The following FRAS1 variants were observed in gnomAD, a reference collection of about 807,000 sequenced individuals.
FRAS1 encodes Fraser extracellular matrix complex subunit 1, also known as extracellular matrix organizing protein FRAS1.
FRAS1 carries 290 observed loss-of-function variants against 435.2 expected under a neutral mutation model. The ratio of observed to expected loss-of-function variants is 0.67; its 90% CI spans 0.61 to 0.73. FRAS1 has a LOEUF of 0.73. FRAS1 is among the 30% of genes least tolerant of loss of function. The pLI is 0.00. For missense variants in FRAS1, 4,860 were observed against 5,001.5 expected, an observed-to-expected ratio of 0.97 and a Z score of 0.85; for synonymous variants, 1,800 against 1,851.0, an observed-to-expected ratio of 0.97 and a Z score of 0.71.
rs552600924 is a variant in FRAS1, at chr4:78,419,075, A to G, written c.4540+12A>G. 3.5e-6 allele frequency: 5 copies of G among 1,418,662 alleles called. No individual in the cohort carries two copies. In the East Asian group the frequency reaches 1.2e-4, roughly 34 times the overall value. The allele number at this position is 1,418,662 out of a possible 1,614,324, so 87.9% of individuals were successfully genotyped here. A position where few individuals can be genotyped will look rare whatever the true frequency, so the allele number is the denominator to read the frequency against. On this transcript the variant is annotated intron_variant, in intron 33 of 73. Transcript: ENST00000512123. ...GCATCCAAATCAAGGTAAGATGTGC[A>G]GTAAATGATCTTTTGAGTGATATTA...
At chr4:78,455,118 AGGG>A (rs1376721123) in intron 47 of FRAS1, among the ~76,000 whole-genome samples, 1 of 152,096 alleles carries the variant, frequency 6.6e-6, no homozygotes, top group Non-Finnish European at 1.5e-5. Flanking sequence ...CTTTGCTCTG[AGGG>A]GCCCCTCCCC....
chr4:78,530,968 G>A (rs199583615), intron 70 of FRAS1, among the ~76,000 whole-genome samples: 2 of 141,384 alleles, frequency 1.4e-5, no homozygotes, highest in Non-Finnish European at 3.1e-5. Flanking sequence ...CTTCCTATCC[G>A]TGAGCATGGA....
chr4:78,333,961 G>A (rs1453489176), intron 19 of FRAS1, among the ~76,000 whole-genome samples: 1 of 151,930 alleles, frequency 6.6e-6, no homozygotes, highest in African/African-American at 2.4e-5. Flanking sequence ...GTGCCACCAT[G>A]CTTGGCTAAT....
intron 2 of FRAS1, among the ~76,000 whole-genome samples, chr4:78,189,265 TA>T (rs1366956088): frequency 6.6e-6 from 1 of 152,202 alleles, no homozygotes; most frequent in Non-Finnish European, 1.5e-5. Context: ...AACTGGAGGA[TA>T]AAAGAAATAC....
intron 16 of FRAS1, among the ~76,000 whole-genome samples, chr4:78,316,855 G>A (rs946194938): frequency 3.9e-5 from 6 of 152,084 alleles, no homozygotes; most frequent in African/African-American, 1.4e-4. Context: ...CTTGACTGAG[G>A]GCATTGAAGA....
At chr4:78,317,282 G>C in intron 16 of FRAS1, 86 bp from the exon 17 acceptor site, 1 of 1,490,484 alleles carries the variant, frequency 6.7e-7, no homozygotes, top group South Asian at 1.1e-5. Context: ...GGGACTAAGA[G>C]TCCCAGGCCC....
intron 22 of FRAS1, among the ~76,000 whole-genome samples, chr4:78,369,480 A>G (rs1383761805): frequency 1.3e-5 from 2 of 152,210 alleles, no homozygotes; most frequent in African/African-American, 4.8e-5. Flanking sequence ...CTGAATCTAC[A>G]TTATGAACTT....
intron 60 of FRAS1, 69 bp from the exon 61 acceptor site, chr4:78,499,652 T>G (rs1317763417): frequency 7.1e-7 from 1 of 1,411,402 alleles, no homozygotes; most frequent in African/African-American, 1.4e-5. Flanking sequence ...TTATAAGGTG[T>G]TTTCCTGGGA....
At chr4:78,489,824 C>T (rs1285851960) in intron 59 of FRAS1, among the ~76,000 whole-genome samples, 1 of 152,096 alleles carries the variant, frequency 6.6e-6, no homozygotes, top group Non-Finnish European at 1.5e-5. Context: ...ACCTGCACCC[C>T]TGTCCCAGGG....
chr4:78,125,958 C>T (rs1719327277), intron 2 of FRAS1, among the ~76,000 whole-genome samples: 1 of 152,182 alleles, frequency 6.6e-6, no homozygotes, highest in Admixed American at 6.5e-5. Flanking sequence ...TGTCTGCTGC[C>T]TTTTGTTCAG....
chr4:78,315,758 A>G (rs1729219717), intron 16 of FRAS1, 24 bp downstream of exon 16: 2 of 1,613,108 alleles, frequency 1.2e-6, no homozygotes, highest in Non-Finnish European at 1.7e-6. Flanking sequence ...CACCATCATC[A>G]TCATCAAAAA....
intron 35 of FRAS1, among the ~76,000 whole-genome samples, chr4:78,427,320 A>T: frequency 6.6e-6 from 1 of 152,006 alleles, no homozygotes; most frequent in East Asian, 1.9e-4. Flanking sequence ...CACCAAATGT[A>T]CCCCCTCAAC....
chr4:78,497,044 A>T, intron 60 of FRAS1, 83 bp downstream of exon 60: 1 of 1,157,696 alleles, frequency 8.6e-7, no homozygotes, highest in South Asian at 1.5e-5. Flanking sequence ...GTTTTGAAAA[A>T]TAAAAGTGCT....
At chr4:78,406,767 G>A (rs560894935) in intron 30 of FRAS1, among the ~76,000 whole-genome samples, 1 of 152,206 alleles carries the variant, frequency 6.6e-6, no homozygotes, top group African/African-American at 2.4e-5. Context: ...CACTCAGCTG[G>A]AAACAATGGA....
At chr4:78,314,175 C>G (rs1729144971) in intron 15 of FRAS1, among the ~76,000 whole-genome samples, 1 of 152,044 alleles carries the variant, frequency 6.6e-6, no homozygotes, top group Admixed American at 6.6e-5. Flanking sequence ...CATACTTTTC[C>G]TGAATCACTC....
intron 41 of FRAS1, 66 bp from the exon 42 acceptor site, chr4:78,445,456 C>G: frequency 7.0e-7 from 1 of 1,432,950 alleles, no homozygotes; most frequent in Non-Finnish European, 9.2e-7. Context: ...ACCTTGTTTT[C>G]TAGTTCAGCC....
chr4:78,445,255 G>GT (rs1718764852), intron 41 of FRAS1, among the ~76,000 whole-genome samples: 1 of 152,062 alleles, frequency 6.6e-6, no homozygotes, highest in African/African-American at 2.4e-5. Context: ...ATAAATTATT[G>GT]TAAGTTTTTT....
chr4:78,120,745 G>T (rs1430677921), intron 2 of FRAS1, among the ~76,000 whole-genome samples: 1 of 152,164 alleles, frequency 6.6e-6, no homozygotes, highest in Non-Finnish European at 1.5e-5. Context: ...TTCACTGCCC[G>T]TGAATCATAG....
At chr4:78,218,771 A>C (rs1457040313) in intron 2 of FRAS1, among the ~76,000 whole-genome samples, 1 of 152,222 alleles carries the variant, frequency 6.6e-6, no homozygotes, top group Admixed American at 6.5e-5. Context: ...AGAGGACAAG[A>C]AACCAATTTG....
Sources: allele counts gnomAD v4.1 joint callset (sites outside exome capture counted in the v4.1 genomes callset), GRCh38; gene constraint gnomAD v4.1.1; transcripts MANE v1.5; gene names NCBI Gene and HGNC (gene_info 2026-07-23, HGNC 2026-07-21).